Variants in MARCHF10 observed in about 807,000 individuals in gnomAD.
MARCHF10 encodes membrane associated ring-CH-type finger 10.
Under a neutral mutation model 76.2 loss-of-function variants are expected in MARCHF10, and 64 were observed. That is an observed-to-expected ratio of 0.84 (90% CI 0.69 to 1.03). The LOEUF (loss-of-function observed/expected upper bound fraction) is 1.03, where lower values mean the gene tolerates loss of function less well. Among genes scored for constraint, MARCHF10 ranks in the 50% least tolerant of loss-of-function variants. The pLI is 0.00. For synonymous variants in MARCHF10, 340 were observed against 357.5 expected (o/e 0.95, Z 0.55); for missense variants, 875 against 958.0 (o/e 0.91, Z 1.14).
At chr17:62,788,155 C>T (rs2092776461) in intron 3 of MARCHF10, among the ~76,000 whole-genome samples, 1 of 152,188 alleles carries the variant, frequency 6.6e-6, no homozygotes, top group Admixed American at 6.5e-5. Flanking sequence ...GTGCCTCCAA[C>T]TCTTATAGAG....
At position 62,722,552 on chromosome 17, in the gene MARCHF10, C is replaced by T; in HGVS notation, c.2150G>A (p.Gly717Asp). The T allele has an allele frequency of 1.2e-6, 2 of 1,614,016 alleles. No homozygotes were observed. The highest frequency in any genetic ancestry group is 1.7e-6 in the Non-Finnish European group (2 of 1,179,986). ...AVKTCEMCKQ[G>D]LLVDLGDFNM... ...AAAGTCACCCAGGTCAACCAGCAGGCCTTGCTTACACATCTCACAGGTCTT... is the reference window on the plus strand; with the variant it reads ...AAAGTCACCCAGGTCAACCAGCAGGTCTTGCTTACACATCTCACAGGTCTT... Residue 717 changes from glycine to aspartate, a missense_variant, in exon 8 of 11, where the codon GGC becomes GAC. Coordinates refer to ENST00000311269, the MANE Select transcript of MARCHF10 (RefSeq NM_152598.4).
intron 8 of MARCHF10, among the ~76,000 whole-genome samples, chr17:62,713,428 A>G (rs2090031284): frequency 6.6e-6 from 1 of 152,208 alleles, no homozygotes; most frequent in Non-Finnish European, 1.5e-5. Flanking sequence ...TTCTGCAGAT[A>G]ATTTGAAAAG....
chr17:62,795,689 C>G (rs1598067197), intron 2 of MARCHF10, among the ~76,000 whole-genome samples: 1 of 152,180 alleles, frequency 6.6e-6, no homozygotes, highest in Non-Finnish European at 1.5e-5. Context: ...CAAGAGGTTT[C>G]TAAAGCCTTC....
At chr17:62,743,736 G>T (rs376854825) in intron 5 of MARCHF10, among the ~76,000 whole-genome samples, 1 of 152,162 alleles carries the variant, frequency 6.6e-6, no homozygotes, top group African/African-American at 2.4e-5. Flanking sequence ...GAAAGAATGG[G>T]TCTATGGCCA....
intron 5 of MARCHF10, among the ~76,000 whole-genome samples, chr17:62,741,737 C>A (rs2091511881): frequency 6.6e-6 from 1 of 152,142 alleles, no homozygotes; most frequent in African/African-American, 2.4e-5. Flanking sequence ...CACTCTGTCA[C>A]CCAGGCTGGA....
chr17:62,767,092 G>C (rs1293028113), intron 3 of MARCHF10, among the ~76,000 whole-genome samples: 1 of 152,196 alleles, frequency 6.6e-6, no homozygotes. Flanking sequence ...CAGGTGGCTT[G>C]AGCATGGGGT....
chr17:62,716,276 G>A (rs1044176992), intron 8 of MARCHF10, among the ~76,000 whole-genome samples: 2 of 152,080 alleles, frequency 1.3e-5, no homozygotes, highest in Non-Finnish European at 2.9e-5. Flanking sequence ...CAGGCAGCAG[G>A]TGCTCAATAA....
intron 6 of MARCHF10, among the ~76,000 whole-genome samples, chr17:62,730,038 C>A (rs970717578): frequency 6.6e-6 from 1 of 152,078 alleles, no homozygotes; most frequent in African/African-American, 2.4e-5. Flanking sequence ...AAAAATTAGC[C>A]GGGTGAGGTG....
intron 3 of MARCHF10, among the ~76,000 whole-genome samples, chr17:62,768,558 A>G (rs2092383548): frequency 6.6e-6 from 1 of 152,202 alleles, no homozygotes; most frequent in Non-Finnish European, 1.5e-5. Context: ...ACTTAACAAT[A>G]CCTTGCAGCA....
intron 3 of MARCHF10, among the ~76,000 whole-genome samples, chr17:62,770,544 T>A (rs999241823): frequency 2.6e-5 from 1 of 38,700 alleles, no homozygotes; most frequent in African/African-American, 4.9e-5. Context: ...GTATTTTGAC[T>A]TTTTTTTTTT....
intron 9 of MARCHF10, among the ~76,000 whole-genome samples, chr17:62,708,738 A>G (rs192034633): frequency 1.8e-4 from 27 of 152,366 alleles, no homozygotes; most frequent in African/African-American, 5.5e-4. Flanking sequence ...TTGGGACGTC[A>G]GTAAACACTC....
At chr17:62,745,229 C>G (rs6504119) in intron 4 of MARCHF10, among the ~76,000 whole-genome samples, 107,620 of 150,826 alleles carry the variant, frequency 0.71, 39,393 homozygotes, top group African/African-American at 0.89. Context: ...TCAGCCTCCT[C>G]AGTAGCTGGG....
At chr17:62,745,342 G>A (rs1378958654) in intron 4 of MARCHF10, among the ~76,000 whole-genome samples, 1 of 152,068 alleles carries the variant, frequency 6.6e-6, no homozygotes, top group Non-Finnish European at 1.5e-5. Context: ...GACCTCAAGT[G>A]ATCTACTCAG....
intron 2 of MARCHF10, 126 bp from the exon 3 acceptor site, chr17:62,788,725 C>G: frequency 7.7e-7 from 1 of 1,297,090 alleles, no homozygotes; most frequent in Non-Finnish European, 1.1e-6. Context: ...CATCAAATAC[C>G]TCTCACCAAG....
chr17:62,772,712 T>G (rs1597980813), intron 3 of MARCHF10, among the ~76,000 whole-genome samples: 1 of 152,192 alleles, frequency 6.6e-6, no homozygotes, highest in East Asian at 1.9e-4. Flanking sequence ...GGAAAAAAAT[T>G]ACACCTTTAT....
chr17:62,709,979 T>G (rs905584723), intron 9 of MARCHF10, among the ~76,000 whole-genome samples: 1 of 152,168 alleles, frequency 6.6e-6, no homozygotes, highest in African/African-American at 2.4e-5. Flanking sequence ...GAGAAGAGTG[T>G]CCCTGGTCCC....
intron 3 of MARCHF10, among the ~76,000 whole-genome samples, chr17:62,781,647 G>A (rs766524026): frequency 2.6e-5 from 4 of 152,202 alleles, no homozygotes; most frequent in Non-Finnish European, 5.9e-5. Flanking sequence ...GGTTATGCCA[G>A]GATGAAGCAG....
chr17:62,762,610 G>A (rs996586010), intron 3 of MARCHF10, among the ~76,000 whole-genome samples: 1 of 152,100 alleles, frequency 6.6e-6, no homozygotes, highest in Non-Finnish European at 1.5e-5. Flanking sequence ...GCAATAGCGC[G>A]ATCTCGGTTC....
At chr17:62,770,657 CA>C (rs1242603051) in intron 3 of MARCHF10, among the ~76,000 whole-genome samples, 1 of 151,528 alleles carries the variant, frequency 6.6e-6, no homozygotes, top group African/African-American at 2.4e-5. Context: ...TCTCATGCCT[CA>C]GCCTCCTGAG....
Sources: gnomAD v4.1 joint callset for allele counts (sites outside exome capture counted in the v4.1 genomes callset) on GRCh38, gnomAD v4.1.1 for gene constraint, MANE v1.5 for transcripts, NCBI Gene and HGNC (gene_info 2026-07-23, HGNC 2026-07-21) for gene names.